LPP: variants seen among roughly 807,000 people sequenced by gnomAD.
LPP encodes lipoma-preferred partner.
A neutral mutation model predicts 60.4 loss-of-function variants in LPP; 38 were observed. The ratio of observed to expected loss-of-function variants is 0.63; its 90% CI spans 0.49 to 0.83. LPP has a LOEUF of 0.83. LPP is among the 40% of genes least tolerant of loss of function. The pLI is 0.00. For missense variants in LPP, 902 were observed against 783.6 expected, an observed-to-expected ratio of 1.15 and a Z score of -1.80; for synonymous variants, 328 against 290.8, an observed-to-expected ratio of 1.13 and a Z score of -1.30.
In LPP at chr3:188,515,200, G is replaced by T. The variant is rs554765309; in HGVS notation, c.307-9465G>T. ...ATCACAGAGGTGAATCTCTTATGGG[G>T]GTTTAGTGCCATCCCCTTGGTAATG... On this transcript the variant is annotated intron_variant, in intron 5 of 11. Coordinates refer to ENST00000617246, the MANE Select transcript of LPP (RefSeq NM_001375462.1). 2.0e-5 allele frequency among the ~76,000 whole-genome samples: 3 copies of T among 152,246 alleles called. No individual in the cohort carries two copies. The South Asian group carries it at 6.2e-4, about 32-fold the overall frequency.
intron 7 of LPP, among the ~76,000 whole-genome samples, chr3:188,707,687 C>T (rs73196755): frequency 7.1e-4 from 108 of 152,288 alleles, no homozygotes; most frequent in Middle Eastern, 3.4e-3. Flanking sequence ...TATATGTGGT[C>T]CCGAAGTACA....
intron 7 of LPP, among the ~76,000 whole-genome samples, chr3:188,644,666 A>G (rs1246994478): frequency 6.6e-6 from 1 of 152,232 alleles, no homozygotes; most frequent in African/African-American, 2.4e-5. Context: ...GCATTGCAAA[A>G]GAGTGGGTTT....
At chr3:188,869,687 G>C (rs1255499132) in intron 10 of LPP, among the ~76,000 whole-genome samples, 1 of 152,216 alleles carries the variant, frequency 6.6e-6, no homozygotes, top group Non-Finnish European at 1.5e-5. Context: ...CAGGTCTGGA[G>C]TGGGGCCTAA....
chr3:188,531,962 C>T (rs959508692), intron 6 of LPP, among the ~76,000 whole-genome samples: 3 of 152,124 alleles, frequency 2.0e-5, no homozygotes, highest in Non-Finnish European at 4.4e-5. Flanking sequence ...GAAGTGGAAA[C>T]AGTCTTGTGG....
intron 2 of LPP, among the ~76,000 whole-genome samples, chr3:188,261,944 C>T (rs924893461): frequency 1.3e-5 from 2 of 152,106 alleles, no homozygotes; most frequent in South Asian, 2.1e-4. Context: ...CACCACAGTT[C>T]GTTAGATATA....
intron 9 of LPP, among the ~76,000 whole-genome samples, chr3:188,780,608 G>A (rs768505618): frequency 4.6e-5 from 7 of 152,122 alleles, no homozygotes; most frequent in Non-Finnish European, 7.3e-5. Flanking sequence ...TACTCAGTCT[G>A]GAATGTTAGT....
intron 3 of LPP, among the ~76,000 whole-genome samples, chr3:188,351,335 GA>G (rs1464423318): frequency 6.6e-6 from 1 of 152,172 alleles, no homozygotes; most frequent in Non-Finnish European, 1.5e-5. Context: ...CCCCAGGGAA[GA>G]AATGACTTAC....
At chr3:188,355,896 T>C (rs936761964) in intron 3 of LPP, among the ~76,000 whole-genome samples, 3 of 152,194 alleles carry the variant, frequency 2.0e-5, no homozygotes, top group African/African-American at 7.2e-5. Context: ...AGGAGCACAT[T>C]TGAGTTGCGT....
chr3:188,481,053 C>T (rs889366372), intron 4 of LPP, among the ~76,000 whole-genome samples: 11 of 152,120 alleles, frequency 7.2e-5, no homozygotes, highest in African/African-American at 2.4e-4. Context: ...AACTTATTTT[C>T]ACTGCAACTT....
At chr3:188,591,875 G>T (rs1421736233) in intron 6 of LPP, among the ~76,000 whole-genome samples, 1 of 152,134 alleles carries the variant, frequency 6.6e-6, no homozygotes, top group African/African-American at 2.4e-5. Context: ...ATATCAGAGG[G>T]TTTAACTGTG....
In LPP at chr3:188,213,961, A is replaced by AACACACACACACACACACACACAC. The variant is rs59389556; in HGVS notation, c.-189-11427_-189-11404dup. ...GAGTCCTGATTCTGATTAGATTTTA[A>AACACACACACACACACACACACAC]ACACACACACACACACACACACACA... On this transcript the variant is annotated intron_variant, in intron 1 of 11. Transcript: ENST00000617246. Among the ~76,000 whole-genome samples, 1,125 of 130,368 alleles carry AACACACACACACACACACACACAC rather than the reference A, an allele frequency of 8.6e-3. 26 individuals are homozygous for AACACACACACACACACACACACAC. Among genetic ancestry groups the AACACACACACACACACACACACAC allele is most frequent in the South Asian group, 0.02 (66 of 3,246 alleles). 85.5% of individuals were successfully genotyped at this position (130,368 alleles called of 152,430 possible).
At chr3:188,509,267 T>C (rs547359027) in intron 5 of LPP, among the ~76,000 whole-genome samples, 2 of 152,312 alleles carry the variant, frequency 1.3e-5, no homozygotes, top group African/African-American at 4.8e-5. Flanking sequence ...AGCATTCTAG[T>C]GGACACATGA....
intron 8 of LPP, among the ~76,000 whole-genome samples, chr3:188,755,435 G>A (rs780169851): frequency 7.5e-4 from 114 of 152,116 alleles, no homozygotes; most frequent in Middle Eastern, 3.4e-3. Context: ...GTGATCACAG[G>A]AAAAACATTT....
intron 2 of LPP, among the ~76,000 whole-genome samples, chr3:188,252,170 CATATATATATATATATATATATATAT>C (rs10609191): frequency 2.9e-5 from 3 of 101,914 alleles, no homozygotes; most frequent in South Asian, 7.0e-4. Flanking sequence ...CTTCCCCAAA[CATATATATATATATATATATATATAT>C]ATATATATAT....
chr3:188,511,647 G>A (rs537369644), intron 5 of LPP, among the ~76,000 whole-genome samples: 4 of 152,004 alleles, frequency 2.6e-5, no homozygotes, highest in East Asian at 1.9e-4. Flanking sequence ...TTTACTGCCC[G>A]AGTAACCCTA....
At chr3:188,161,048 G>A (rs1432962363) in intron 1 of LPP, among the ~76,000 whole-genome samples, 7 of 152,242 alleles carry the variant, frequency 4.6e-5, no homozygotes, top group African/African-American at 1.7e-4. Context: ...AAAAGTATTT[G>A]AGGAATATAA....
intron 7 of LPP, among the ~76,000 whole-genome samples, chr3:188,635,525 T>C (rs1048975494): frequency 6.6e-6 from 1 of 152,196 alleles, no homozygotes. Flanking sequence ...AATGAACGTG[T>C]GTGTGCAAGG....
chr3:188,619,351 C>A (rs962806468), intron 7 of LPP, among the ~76,000 whole-genome samples: 3 of 152,130 alleles, frequency 2.0e-5, no homozygotes, highest in Non-Finnish European at 4.4e-5. Flanking sequence ...AATCCTGCTA[C>A]CCACCCCATC....
intron 2 of LPP, among the ~76,000 whole-genome samples, chr3:188,267,123 T>A (rs1471193157): frequency 6.6e-6 from 1 of 152,154 alleles, no homozygotes; most frequent in Non-Finnish European, 1.5e-5. Context: ...GGGAGTGTGG[T>A]GGAGAGACGT....
Sources: allele counts gnomAD v4.1 joint callset (sites outside exome capture counted in the v4.1 genomes callset), GRCh38; gene constraint gnomAD v4.1.1; transcripts MANE v1.5; gene names NCBI Gene and HGNC (gene_info 2026-07-23, HGNC 2026-07-21).